EDNRA: variants seen among roughly 807,000 people sequenced by gnomAD.
The protein encoded by EDNRA is endothelin receptor type A, also known as endothelin-1 receptor.
EDNRA carries 11 observed loss-of-function variants against 41.4 expected under a neutral mutation model. The ratio of observed to expected loss-of-function variants is 0.27; its 90% confidence interval spans 0.17 to 0.44. The LOEUF (loss-of-function observed/expected upper bound fraction) is 0.44, where lower values mean the gene tolerates loss of function less well. EDNRA is among the 20% of genes least tolerant of loss of function. EDNRA has a pLI of 1.00. For synonymous variants in EDNRA, 172 were observed against 183.0 expected (o/e 0.94, Z 0.49); for missense variants, 294 against 531.0 (o/e 0.55, Z 4.39).
intron 3 of EDNRA, among the ~76,000 whole-genome samples, chr4:147,528,058 T>C (rs967032405): frequency 9.2e-5 from 14 of 152,232 alleles, no homozygotes. Flanking sequence ...TGTAGTGTGC[T>C]ATTAGCTTTA....
In EDNRA at chr4:147,543,660, G is replaced by A. The variant is rs1028393375; in HGVS notation, c.*1042G>A. ...GTATTTGTAATAGTGACATATATAT[G>A]TATATACATATCACCTCCTATTCTC... On this transcript the variant is annotated 3_prime_UTR_variant, in exon 8 of 8. Transcript: ENST00000651419. The A allele has an allele frequency of 6.6e-6, 1 of 152,242 alleles. No homozygotes were observed. The highest frequency in any genetic ancestry group is 2.4e-5 in the African/African-American group (1 of 41,396). The allele number at this position is 152,242 out of a possible 1,614,324, so 9.4% of individuals were successfully genotyped here. A position where few individuals can be genotyped will look rare whatever the true frequency, so the allele number is the denominator to read the frequency against.
intron 2 of EDNRA, among the ~76,000 whole-genome samples, chr4:147,502,282 T>C (rs1729543282): frequency 6.6e-6 from 1 of 152,242 alleles, no homozygotes; most frequent in Non-Finnish European, 1.5e-5. Flanking sequence ...TTTTCTACTC[T>C]GAAGCAATCA....
chr4:147,508,133 TTTTA>T (rs1463036885), intron 2 of EDNRA, among the ~76,000 whole-genome samples: 2 of 147,076 alleles, frequency 1.4e-5, no homozygotes, highest in Non-Finnish European at 2.9e-5. Context: ...AAATTCTTTA[TTTTA>T]TTTATTTATT....
chr4:147,534,385 C>A (rs553100698), intron 4 of EDNRA, among the ~76,000 whole-genome samples: 2 of 152,294 alleles, frequency 1.3e-5, no homozygotes, highest in East Asian at 3.9e-4. Context: ...TTAGAATAAA[C>A]CAACTCCTTT....
At chr4:147,499,377 G>GA (rs1269699078) in intron 2 of EDNRA, among the ~76,000 whole-genome samples, 1 of 152,004 alleles carries the variant, frequency 6.6e-6, no homozygotes, top group Non-Finnish European at 1.5e-5. Flanking sequence ...TTTTGTATTT[G>GA]AAAAAAATAA....
rs745916188 is a variant in EDNRA, at chr4:147,486,525, C to A, written c.420+424C>A. ...CGTTGAATATGATGCTGTTCAGAAG[C>A]CAGATATCTACAGTCCAGCTTGAAA... On this transcript the variant is annotated intron_variant, in intron 2 of 7. Coordinates refer to ENST00000651419, the MANE Select transcript of EDNRA (RefSeq NM_001957.4). The surrounding 1 kb of genome is among the most constrained non-coding windows in gnomAD (Gnocchi z 4.3). Among the ~76,000 whole-genome samples, 24 of 152,114 alleles carry A rather than the reference C, an allele frequency of 1.6e-4. No homozygotes were observed. Among genetic ancestry groups the A allele is most frequent in the Non-Finnish European group, 3.5e-4 (24 of 68,006 alleles).
At chr4:147,530,177 A>C (rs960899996) in intron 3 of EDNRA, among the ~76,000 whole-genome samples, 4 of 152,216 alleles carry the variant, frequency 2.6e-5, no homozygotes, top group Non-Finnish European at 5.9e-5. Context: ...TTTCACCCCA[A>C]ATCCTGGCAA....
chr4:147,532,922 CA>C (rs1730798292), intron 4 of EDNRA, among the ~76,000 whole-genome samples: 1 of 152,040 alleles, frequency 6.6e-6, no homozygotes, highest in Non-Finnish European at 1.5e-5. Context: ...CAATGGTAGA[CA>C]TATCTGTTAT....
rs138419376 is a variant in EDNRA at position 147,515,979 on chromosome 4, A to G, written c.421-3872A>G. Among the ~76,000 whole-genome samples the G allele has an allele frequency of 9.0e-3, 1,378 of 152,342 alleles. 12 individuals carry two copies. The highest frequency in any genetic ancestry group is 0.016 in the Non-Finnish European group (1,107 of 68,038). ...TCAACCACACAAATGCAAAATTCCT[A>G]TATTAATCTCTGCTGTTTAGAAGAG... On this transcript the variant is annotated intron_variant, in intron 2 of 7. Transcript: ENST00000651419.
intron 3 of EDNRA, among the ~76,000 whole-genome samples, chr4:147,525,540 T>A (rs1371974532): frequency 6.6e-6 from 1 of 150,780 alleles, no homozygotes; most frequent in Non-Finnish European, 1.5e-5. Flanking sequence ...AAAATAGTTA[T>A]TTTTACATGC....
At chr4:147,531,985 G>C (rs563677950) in intron 3 of EDNRA, among the ~76,000 whole-genome samples, 30 of 145,280 alleles carry the variant, frequency 2.1e-4, no homozygotes, top group African/African-American at 7.8e-4. Context: ...ACTCCAGCCT[G>C]GCAGCCTGGG....
intron 2 of EDNRA, among the ~76,000 whole-genome samples, chr4:147,504,377 C>T (rs778539824): frequency 7.2e-5 from 11 of 152,148 alleles, no homozygotes; most frequent in Non-Finnish European, 1.3e-4. Context: ...TTGGCCGTTA[C>T]GAATTACTAG....
At chr4:147,482,907 C>T (rs10305859) in intron 1 of EDNRA, among the ~76,000 whole-genome samples, 1,817 of 152,290 alleles carry the variant, frequency 0.012, 35 homozygotes, top group African/African-American at 0.042. Context: ...CGACTGTAAC[C>T]GGCAGAGAGC....
At position 147,485,628 on chromosome 4, in the gene EDNRA, G is replaced by T; in HGVS notation, c.-54G>T. ...TTGTTTCAGGTGAAAAAAAAGTGAA[G>T]GTGTAAAAGCAGCACAAGTGCAATA... is the stretch of plus-strand genomic sequence containing the variant. On this transcript the variant is annotated 5_prime_UTR_variant, in exon 2 of 8. In the 5' UTR this introduces an upstream ATG that the reference lacks. Transcript: ENST00000651419. The T allele has an allele frequency of 6.6e-7, 1 of 1,505,250 alleles. No individual in the cohort carries two copies. Among genetic ancestry groups the T allele is most frequent in the Non-Finnish European group, 8.9e-7 (1 of 1,125,934 alleles). The allele number at this position is 1,505,250 out of a possible 1,614,324, so 93.2% of individuals were successfully genotyped here. A position where few individuals can be genotyped will look rare whatever the true frequency, so the allele number is the denominator to read the frequency against.
chr4:147,523,974 C>A (rs1730439256), intron 3 of EDNRA, among the ~76,000 whole-genome samples: 1 of 151,918 alleles, frequency 6.6e-6, no homozygotes, highest in Admixed American at 6.6e-5. Flanking sequence ...ATTTGAGGGG[C>A]TTAGAATTTT....
intron 2 of EDNRA, among the ~76,000 whole-genome samples, chr4:147,502,050 A>G (rs1357934981): frequency 2.0e-5 from 3 of 152,174 alleles, no homozygotes; most frequent in South Asian, 2.1e-4. Context: ...ATTATCTTAA[A>G]TAGAAAATGT....
At chr4:147,507,002 A>C (rs1729741241) in intron 2 of EDNRA, among the ~76,000 whole-genome samples, 4 of 152,200 alleles carry the variant, frequency 2.6e-5, no homozygotes, top group Non-Finnish European at 5.9e-5. Context: ...CAATGGGAAT[A>C]AGGGTTGGAG....
At chr4:147,482,005 G>T (rs931865482) in intron 1 of EDNRA, among the ~76,000 whole-genome samples, 3 of 152,200 alleles carry the variant, frequency 2.0e-5, no homozygotes, top group Non-Finnish European at 2.9e-5. Context: ...ATCACCCTCT[G>T]TTTACATCAT....
intron 2 of EDNRA, chr4:147,491,691 A>G (rs1044230904): frequency 1.3e-5 from 2 of 152,226 alleles, no homozygotes; most frequent in Non-Finnish European, 2.9e-5. Context: ...GTTACCCACC[A>G]AATTCCGTAT....
Sources: allele counts gnomAD v4.1 joint callset (sites outside exome capture counted in the v4.1 genomes callset), GRCh38; gene constraint gnomAD v4.1.1; non-coding constraint Gnocchi (gnomAD v3.1); transcripts MANE v1.5; gene names NCBI Gene and HGNC (gene_info 2026-07-23, HGNC 2026-07-21).